Variants in ENPP2 observed in about 807,000 individuals in gnomAD.
ENPP2 encodes the protein ectonucleotide pyrophosphatase/phosphodiesterase 2.
ENPP2 carries 51 observed loss-of-function variants against 120.2 expected under a neutral mutation model. That is an observed-to-expected ratio of 0.42 (90% CI 0.34 to 0.54). The LOEUF is 0.54. Among genes scored for constraint, ENPP2 ranks in the 20% least tolerant of loss-of-function variants. ENPP2 has a pLI of 0.04. For missense variants in ENPP2, 920 were observed against 1,066.5 expected, an observed-to-expected ratio of 0.86 and a Z score of 1.91; for synonymous variants, 365 against 366.4, an observed-to-expected ratio of 1.00 and a Z score of 0.04.
At position 119,600,862 on chromosome 8, in the gene ENPP2, C is replaced by G. The variant is rs1290687735; in HGVS notation, c.900-112G>C. ...AAAATGTTCTCAAGTTTAATTTATC[C>G]TTTAACTACTATTCATGTTAGCATG... is the stretch of plus-strand genomic sequence containing the variant. On this transcript the variant is annotated intron_variant, in intron 10 of 24. Coordinates refer to ENST00000075322, the MANE Select transcript of ENPP2 (RefSeq NM_001040092.3). The G allele has an allele frequency of 5.7e-6, 4 of 702,932 alleles. No individual in the cohort carries two copies. The Admixed American group carries it at 1.1e-4, about 19-fold the overall frequency. 43.5% of individuals were successfully genotyped at this position (702,932 alleles called of 1,614,324 possible). A position where few individuals can be genotyped will look rare whatever the true frequency, so the allele number is the denominator to read the frequency against.
At chr8:119,588,172 CA>C (rs1472152154) in intron 13 of ENPP2, among the ~76,000 whole-genome samples, 4 of 151,970 alleles carry the variant, frequency 2.6e-5, no homozygotes, top group African/African-American at 7.3e-5. Flanking sequence ...TACTAGAAGG[CA>C]AATAAGTAAT....
chr8:119,601,843 C>T (rs1814334544), intron 9 of ENPP2, among the ~76,000 whole-genome samples: 1 of 152,108 alleles, frequency 6.6e-6, no homozygotes, highest in African/African-American at 2.4e-5. Flanking sequence ...CAATCCGCCT[C>T]TTGCTGGCGG....
intron 1 of ENPP2, among the ~76,000 whole-genome samples, chr8:119,662,911 G>A (rs1563780549): frequency 1.3e-5 from 2 of 152,130 alleles, no homozygotes; most frequent in Admixed American, 6.5e-5. Context: ...AGGAGTTCGA[G>A]ATCAGCCTGG....
intron 9 of ENPP2, among the ~76,000 whole-genome samples, chr8:119,605,634 A>AT (rs11385264): frequency 0.082 from 11,781 of 143,662 alleles, 545 homozygotes; most frequent in South Asian, 0.17. Flanking sequence ...CTAATTTTGT[A>AT]TTTTTTTTTT....
chr8:119,582,150 G>T (rs746060421), intron 18 of ENPP2, among the ~76,000 whole-genome samples: 1 of 152,226 alleles, frequency 6.6e-6, no homozygotes, highest in African/African-American at 2.4e-5. Flanking sequence ...TGAGAACTGT[G>T]ACTGCACAGA....
chr8:119,561,921 G>T (rs913842768), intron 24 of ENPP2, among the ~76,000 whole-genome samples: 1 of 151,236 alleles, frequency 6.6e-6, no homozygotes, highest in East Asian at 2.0e-4. Context: ...GGTGGATCAC[G>T]AGGTCAGGAG....
At chr8:119,632,939 C>G (rs1816772652) in intron 2 of ENPP2, among the ~76,000 whole-genome samples, 1 of 152,070 alleles carries the variant, frequency 6.6e-6, no homozygotes, top group African/African-American at 2.4e-5. Flanking sequence ...CATGGGGGTG[C>G]ACACCTGTAA....
chr8:119,580,270 G>C (rs1300636077), intron 18 of ENPP2, 103 bp from the exon 19 acceptor site: 1 of 875,962 alleles, frequency 1.1e-6, no homozygotes, highest in Admixed American at 1.8e-5. Context: ...ATTCAAAAGC[G>C]AACTCTAAAC....
chr8:119,665,571 A>T (rs910748711), intron 1 of ENPP2, among the ~76,000 whole-genome samples: 1 of 152,096 alleles, frequency 6.6e-6, no homozygotes, highest in African/African-American at 2.4e-5. Flanking sequence ...TAGATTTCAA[A>T]CTCAATTTTT....
chr8:119,591,072 T>C (rs1219749501), intron 12 of ENPP2, among the ~76,000 whole-genome samples: 2 of 150,620 alleles, frequency 1.3e-5, no homozygotes. Context: ...GAATATACAG[T>C]TCTGTGTCTC....
chr8:119,604,125 T>TCAAG (rs1411061015), intron 9 of ENPP2, among the ~76,000 whole-genome samples: 1 of 151,752 alleles, frequency 6.6e-6, no homozygotes, highest in African/African-American at 2.4e-5. Flanking sequence ...CCTCCCCGGT[T>TCAAG]CAAGCTATTC....
intron 19 of ENPP2, chr8:119,572,258 C>A (rs1213917805): frequency 6.5e-7 from 1 of 1,545,294 alleles, no homozygotes; most frequent in Admixed American, 2.0e-5. Context: ...CAGCTGGAAG[C>A]AGAAGTATCA....
chr8:119,659,187 T>A (rs1817849019), intron 1 of ENPP2, among the ~76,000 whole-genome samples: 1 of 152,044 alleles, frequency 6.6e-6, no homozygotes, highest in Admixed American at 6.6e-5. Context: ...TGTGGTAGCG[T>A]GCACCTGTAA....
chr8:119,593,108 T>A, intron 12 of ENPP2: 1 of 177,332 alleles, frequency 5.6e-6, no homozygotes, highest in Non-Finnish European at 1.1e-5. Flanking sequence ...TACAGTCATA[T>A]AATGTTTATG....
chr8:119,620,246 G>A (rs538969764), intron 4 of ENPP2, among the ~76,000 whole-genome samples: 14 of 152,214 alleles, frequency 9.2e-5, no homozygotes, highest in Admixed American at 3.3e-4. Flanking sequence ...GATTCCAAGG[G>A]CTTCTTTTTT....
upstream of ENPP2, among the ~76,000 whole-genome samples, chr8:119,639,031 A>G (rs946642135): frequency 2.0e-5 from 3 of 152,016 alleles, no homozygotes; most frequent in Non-Finnish European, 4.4e-5. Flanking sequence ...ACCCACAGAC[A>G]CTTTCATGTG....
At chr8:119,584,388 G>C (rs984180565) in intron 15 of ENPP2, among the ~76,000 whole-genome samples, 1 of 152,216 alleles carries the variant, frequency 6.6e-6, no homozygotes, top group East Asian at 1.9e-4. Flanking sequence ...TCGACTCTAG[G>C]ACCATGTTTG....
intron 2 of ENPP2, 96 bp from the exon 3 acceptor site, chr8:119,626,816 G>GTTCTCCTCCA: frequency 1.0e-5 from 11 of 1,102,698 alleles, no homozygotes; most frequent in South Asian, 1.4e-5. Flanking sequence ...ATGCTGCAGT[G>GTTCTCCTCCA]GACTCTGGAG....
At chr8:119,564,695 T>C in intron 23 of ENPP2, 128 bp downstream of exon 23, 1 of 394,516 alleles carries the variant, frequency 2.5e-6, no homozygotes, top group Non-Finnish European at 4.3e-6. Flanking sequence ...TATATATATA[T>C]ATATATTGAA....
Sources: gnomAD v4.1 joint callset for allele counts (sites outside exome capture counted in the v4.1 genomes callset) on GRCh38, gnomAD v4.1.1 for gene constraint, MANE v1.5 for transcripts, NCBI Gene and HGNC (gene_info 2026-07-23, HGNC 2026-07-21) for gene names.